The following ATP8B4 variants were observed in gnomAD, a reference collection of about 807,000 sequenced individuals.
ATP8B4 encodes probable phospholipid-transporting ATPase IM.
ATP8B4 carries 133 observed loss-of-function variants against 145.6 expected under a neutral mutation model. The ratio of observed to expected loss-of-function variants is 0.91; its 90% CI spans 0.79 to 1.05. The LOEUF is 1.05. ATP8B4 is among the 50% of genes least tolerant of loss of function. The probability of loss-of-function intolerance (pLI) is 0.00; values close to 1 mark genes in which losing one functional copy is unlikely to be tolerated. For synonymous variants in ATP8B4, 507 were observed against 492.9 expected, an observed-to-expected ratio of 1.03 and a Z score of -0.38; for missense variants, 1,458 against 1,425.2, an observed-to-expected ratio of 1.02 and a Z score of -0.37.
intron 12 of ATP8B4, among the ~76,000 whole-genome samples, chr15:49,975,041 TTTA>T (rs1319299395): frequency 2.0e-5 from 3 of 152,186 alleles, no homozygotes; most frequent in Admixed American, 6.5e-5. Flanking sequence ...TAATCACCCA[TTTA>T]TTTTTCCTGA....
upstream of ATP8B4, among the ~76,000 whole-genome samples, chr15:50,123,103 A>G (rs2057284113): frequency 6.6e-6 from 1 of 152,184 alleles, no homozygotes; most frequent in African/African-American, 2.4e-5. Flanking sequence ...ATCTCTCCAG[A>G]ATCCAAATGC....
intron 9 of ATP8B4, among the ~76,000 whole-genome samples, chr15:49,988,854 G>A (rs1080476): frequency 0.27 from 41,098 of 151,960 alleles, 6,374 homozygotes; most frequent in East Asian, 0.6. Context: ...TTGCCACATG[G>A]CCACGTCACT....
At chr15:50,179,693 C>T (rs1462240196) in intron 1 of ATP8B4, among the ~76,000 whole-genome samples, 1 of 152,148 alleles carries the variant, frequency 6.6e-6, no homozygotes, top group African/African-American at 2.4e-5. Context: ...ATAAAACAGG[C>T]CCCAGAGAGG....
At chr15:49,909,557 C>A (rs1331909127) in intron 20 of ATP8B4, among the ~76,000 whole-genome samples, 2 of 151,884 alleles carry the variant, frequency 1.3e-5, no homozygotes, top group Non-Finnish European at 2.9e-5. Context: ...AATGTGCTAC[C>A]CTTGGACCCA....
intron 3 of ATP8B4, among the ~76,000 whole-genome samples, chr15:50,073,013 TATATATACACACAC>T (rs1444194821): frequency 0.017 from 693 of 40,574 alleles, 19 homozygotes; most frequent in Non-Finnish European, 0.019. Flanking sequence ...TATATATATA[TATATATACACACAC>T]ACACACACAC....
intron 26 of ATP8B4, among the ~76,000 whole-genome samples, chr15:49,863,681 A>G (rs558628269): frequency 1.3e-5 from 2 of 152,286 alleles, no homozygotes; most frequent in African/African-American, 4.8e-5. Flanking sequence ...GCCTTCAGCC[A>G]TGGGCAGAAA....
intron 24 of ATP8B4, 52 bp from the exon 25 acceptor site, chr15:49,876,575 G>A: frequency 6.2e-7 from 1 of 1,606,642 alleles, no homozygotes; most frequent in Non-Finnish European, 8.5e-7. Context: ...AGTCAGAGAG[G>A]CCTTGTATTC....
intron 13 of ATP8B4, among the ~76,000 whole-genome samples, chr15:49,967,407 C>A (rs1463950756): frequency 6.6e-6 from 1 of 152,100 alleles, no homozygotes; most frequent in South Asian, 2.1e-4. Flanking sequence ...CTAGAATAAC[C>A]AGTTGGGAGA....
At chr15:49,938,604 A>G (rs1026596958) in intron 14 of ATP8B4, among the ~76,000 whole-genome samples, 1 of 152,182 alleles carries the variant, frequency 6.6e-6, no homozygotes, top group African/African-American at 2.4e-5. Flanking sequence ...CCATATTCAT[A>G]AAACAAGTAC....
chr15:49,922,313 G>A, intron 17 of ATP8B4: 1 of 359,446 alleles, frequency 2.8e-6, no homozygotes. Flanking sequence ...TGAAAAACCA[G>A]GGCCTTGGTG....
intron 1 of ATP8B4, among the ~76,000 whole-genome samples, chr15:50,154,627 G>C (rs1422365704): frequency 6.6e-6 from 1 of 152,002 alleles, no homozygotes; most frequent in Non-Finnish European, 1.5e-5. Flanking sequence ...TTTAATGTAT[G>C]AGTATCCAAA....
intron 14 of ATP8B4, among the ~76,000 whole-genome samples, chr15:49,952,612 T>G (rs757567468): frequency 7.9e-5 from 12 of 152,214 alleles, no homozygotes; most frequent in Non-Finnish European, 1.6e-4. Flanking sequence ...TTTATCAAGA[T>G]TCTTAGGTTC....
intron 1 of ATP8B4, among the ~76,000 whole-genome samples, chr15:50,132,189 T>G (rs78510480): frequency 0.073 from 11,114 of 152,264 alleles, 490 homozygotes; most frequent in Middle Eastern, 0.095. Flanking sequence ...AGTATTCTGT[T>G]TCATGACTTT....
chr15:50,039,273 A>C (rs1199172677), intron 5 of ATP8B4, among the ~76,000 whole-genome samples: 10 of 152,266 alleles, frequency 6.6e-5, no homozygotes, highest in Non-Finnish European at 1.5e-4. Flanking sequence ...TACTTGTAAC[A>C]ACATCAATTT....
At chr15:49,972,065 T>C (rs975059674) in intron 13 of ATP8B4, among the ~76,000 whole-genome samples, 2 of 152,094 alleles carry the variant, frequency 1.3e-5, no homozygotes, top group Non-Finnish European at 2.9e-5. Flanking sequence ...AAGTGGGAAC[T>C]GAACAATGAG....
chr15:49,922,632 T>C (rs1175549283), intron 17 of ATP8B4, among the ~76,000 whole-genome samples: 2 of 152,098 alleles, frequency 1.3e-5, no homozygotes, highest in African/African-American at 2.4e-5. Flanking sequence ...AAGAAACCAA[T>C]GAGAAAATGA....
chr15:49,920,608 G>A (rs2040171323), intron 17 of ATP8B4, among the ~76,000 whole-genome samples, 198 bp from the exon 18 acceptor site: 1 of 152,168 alleles, frequency 6.6e-6, no homozygotes, highest in South Asian at 2.1e-4. Context: ...TTATTTCTAT[G>A]AGGTTAAAAC....
At chr15:50,028,098 C>T (rs768538252) in intron 6 of ATP8B4, among the ~76,000 whole-genome samples, 1 of 152,208 alleles carries the variant, frequency 6.6e-6, no homozygotes, top group African/African-American at 2.4e-5. Flanking sequence ...CAGGCTTCCT[C>T]ATCTCACAGC....
At chr15:50,134,767 T>A (rs12591791) in intron 1 of ATP8B4, among the ~76,000 whole-genome samples, 73,762 of 152,062 alleles carry the variant, frequency 0.49, 20,248 homozygotes, top group Middle Eastern at 0.65. Flanking sequence ...AGAGGTAAAA[T>A]GTCAAAGATG....
Sources: gnomAD v4.1 joint callset for allele counts (sites outside exome capture counted in the v4.1 genomes callset) on GRCh38, gnomAD v4.1.1 for gene constraint, MANE v1.5 for transcripts, NCBI Gene and HGNC (gene_info 2026-07-23, HGNC 2026-07-21) for gene names.